Variants in PRKAR2A observed in about 807,000 individuals in gnomAD.
PRKAR2A encodes protein kinase cAMP-dependent type II regulatory subunit alpha.
PRKAR2A carries 29 observed loss-of-function variants against 51.9 expected under a neutral mutation model. The ratio of observed to expected loss-of-function variants is 0.56; its 90% confidence interval spans 0.42 to 0.76. The LOEUF is 0.76. PRKAR2A is among the 30% of genes least tolerant of loss of function. The pLI is 0.00. For synonymous variants in PRKAR2A, 178 were observed against 186.2 expected (o/e 0.96, Z 0.36); for missense variants, 445 against 512.1 (o/e 0.87, Z 1.26).
intron 2 of PRKAR2A, among the ~76,000 whole-genome samples, chr3:48,801,782 G>A (rs2082594739): frequency 6.6e-6 from 1 of 151,916 alleles, no homozygotes; most frequent in African/African-American, 2.4e-5. Context: ...TGTTGCCCAG[G>A]CTGGAGTGCA....
Position 48,747,884 on chromosome 3 carries a change from C to T in PRKAR2A, c.*3701G>A, listed in dbSNP as rs2081583329. ...CAGTGCAGGGCTTGCCTGATGTGGA[C>T]AATGTGGATACCTCAGCCCTGAGTT... On this transcript the variant is annotated 3_prime_UTR_variant, in exon 11 of 11. Coordinates refer to ENST00000265563, the MANE Select transcript of PRKAR2A (RefSeq NM_004157.4). 1 of 152,220 alleles carries T rather than the reference C, an allele frequency of 6.6e-6. No homozygotes were observed. Among genetic ancestry groups the T allele is most frequent in the South Asian group, 2.1e-4 (1 of 4,838 alleles). The allele number at this position is 152,220 out of a possible 1,614,324, so 9.4% of individuals were successfully genotyped here.
intron 1 of PRKAR2A, among the ~76,000 whole-genome samples, chr3:48,829,389 C>G (rs1348003785): frequency 6.6e-6 from 1 of 150,872 alleles, no homozygotes; most frequent in Admixed American, 6.6e-5. Context: ...CATGGTGGCA[C>G]GAACCTGTAG....
intron 9 of PRKAR2A, among the ~76,000 whole-genome samples, chr3:48,754,241 C>CT (rs1195616357): frequency 0.011 from 1,321 of 125,178 alleles, 7 homozygotes; most frequent in African/African-American, 0.023. Context: ...CTACTTTTTT[C>CT]TTTTTTTTTT....
chr3:48,841,060 T>C (rs574996875), intron 1 of PRKAR2A, among the ~76,000 whole-genome samples: 1 of 149,056 alleles, frequency 6.7e-6, no homozygotes, highest in South Asian at 2.1e-4. Context: ...TTTTTTTTTT[T>C]AATTTAGTAG....
chr3:48,783,958 C>CCTAGGAAAGTATTTATGAAACAACA (rs1367358938), intron 4 of PRKAR2A, among the ~76,000 whole-genome samples: 1 of 151,956 alleles, frequency 6.6e-6, no homozygotes. Context: ...AGGAAAAAAA[C>CCTAGGAAAGTATTTATGAAACAACA]CTAGGAAAGT....
chr3:48,775,953 C>T (rs2082098785), intron 5 of PRKAR2A, among the ~76,000 whole-genome samples: 1 of 151,912 alleles, frequency 6.6e-6, no homozygotes. Context: ...CCTAAAAATA[C>T]AAAAATTAGC....
intron 1 of PRKAR2A, among the ~76,000 whole-genome samples, chr3:48,839,321 GCACA>G (rs1394531187): frequency 6.7e-6 from 1 of 149,842 alleles, no homozygotes; most frequent in South Asian, 2.1e-4. Context: ...GGTGACGGCT[GCACA>G]CAGATATGAA....
chr3:48,828,608 G>GC (rs1187784074), intron 1 of PRKAR2A, among the ~76,000 whole-genome samples: 1 of 149,074 alleles, frequency 6.7e-6, no homozygotes, highest in Non-Finnish European at 1.5e-5. Flanking sequence ...TCTGGTCCCA[G>GC]CTACTCCAGG....
At chr3:48,822,426 A>G (rs536837193) in intron 1 of PRKAR2A, among the ~76,000 whole-genome samples, 1 of 152,252 alleles carries the variant, frequency 6.6e-6, no homozygotes, top group South Asian at 2.1e-4. Context: ...CACTCACAAT[A>G]TCTACTAAAT....
chr3:48,833,743 T>C (rs1162250668), intron 1 of PRKAR2A, among the ~76,000 whole-genome samples: 3 of 135,920 alleles, frequency 2.2e-5, no homozygotes, highest in African/African-American at 5.5e-5. Context: ...AGAAAGAAAA[T>C]TGTTTCTTCC....
intron 2 of PRKAR2A, among the ~76,000 whole-genome samples, chr3:48,799,953 A>G (rs1421671957): frequency 6.6e-6 from 1 of 151,904 alleles, no homozygotes; most frequent in Non-Finnish European, 1.5e-5. Flanking sequence ...TCCACCTCCC[A>G]GGTTCAAGCA....
At chr3:48,752,575 A>C (rs2081668864) in intron 9 of PRKAR2A, among the ~76,000 whole-genome samples, 1 of 152,212 alleles carries the variant, frequency 6.6e-6, no homozygotes, top group Non-Finnish European at 1.5e-5. Context: ...CATTCTGAAC[A>C]TGCCCAATCT....
intron 1 of PRKAR2A, among the ~76,000 whole-genome samples, chr3:48,812,803 T>C (rs1278169389): frequency 6.6e-6 from 1 of 152,184 alleles, no homozygotes; most frequent in East Asian, 1.9e-4. Context: ...TTTACTACTT[T>C]ATTTGATACC....
intron 4 of PRKAR2A, among the ~76,000 whole-genome samples, chr3:48,785,616 T>C (rs1345331783): frequency 6.6e-6 from 1 of 152,110 alleles, no homozygotes; most frequent in Non-Finnish European, 1.5e-5. Context: ...AGACTGGTCT[T>C]GAACTCCTGA....
rs2081565939 is a variant in PRKAR2A at position 48,746,661 on chromosome 3, A to AG, written c.*4923_*4924insC. On this transcript the variant is annotated 3_prime_UTR_variant, in exon 11 of 11. Coordinates refer to ENST00000265563, the MANE Select transcript of PRKAR2A (RefSeq NM_004157.4). Reference sequence around the variant, plus strand: ...CTTAACAACAACAAAAAGAACATCAACCTTGTTTATGGCAAACAGTGACTT... The same window carrying AG: ...CTTAACAACAACAAAAAGAACATCAAGCCTTGTTTATGGCAAACAGTGACTT... The AG allele has an allele frequency of 6.6e-6, 1 of 152,152 alleles. No individual in the cohort carries two copies. Among genetic ancestry groups the AG allele is most frequent in the African/African-American group, 2.4e-5 (1 of 41,426 alleles). 9.4% of individuals were successfully genotyped at this position (152,152 alleles called of 1,614,324 possible).
At chr3:48,762,840 C>G (rs759983439) in intron 8 of PRKAR2A, among the ~76,000 whole-genome samples, 1 of 152,010 alleles carries the variant, frequency 6.6e-6, no homozygotes, top group Non-Finnish European at 1.5e-5. Flanking sequence ...ACATACAACA[C>G]GAATAAATCT....
chr3:48,825,026 T>C (rs1263979360), intron 1 of PRKAR2A, among the ~76,000 whole-genome samples: 2 of 138,948 alleles, frequency 1.4e-5, no homozygotes, highest in African/African-American at 5.2e-5. Flanking sequence ...TGATTTTCTT[T>C]TCTTTTTTTT....
Position 48,751,365 on chromosome 3 carries a change from C to T in PRKAR2A, c.*220G>A, listed in dbSNP as rs566147276. On this transcript the variant is annotated 3_prime_UTR_variant, in exon 11 of 11. Transcript: ENST00000265563. ...GGTTGGAGTAATCTTTACAAGTGGT[C>T]TAATGAATGGGCCTTCAGAAGCAAA... 2.9e-6 allele frequency: 2 copies of T among 697,630 alleles called. No homozygotes were observed. Among genetic ancestry groups the T allele is most frequent in the African/African-American group, 3.5e-5 (2 of 57,128 alleles). The allele number at this position is 697,630 out of a possible 1,614,324, so 43.2% of individuals were successfully genotyped here. A position where few individuals can be genotyped will look rare whatever the true frequency, so the allele number is the denominator to read the frequency against.
At chr3:48,777,193 T>A (rs1175584747) in intron 5 of PRKAR2A, among the ~76,000 whole-genome samples, 1 of 152,196 alleles carries the variant, frequency 6.6e-6, no homozygotes, top group Non-Finnish European at 1.5e-5. Context: ...CATTTTTGGA[T>A]CTGCCTGGGA....
Sources: gnomAD v4.1 joint callset for allele counts (sites outside exome capture counted in the v4.1 genomes callset) on GRCh38, gnomAD v4.1.1 for gene constraint, MANE v1.5 for transcripts, NCBI Gene and HGNC (gene_info 2026-07-23, HGNC 2026-07-21) for gene names.